ZBTB7C: variants seen among roughly 807,000 people sequenced by gnomAD.
ZBTB7C encodes zinc finger and BTB domain-containing protein 7C.
A neutral mutation model predicts 25.7 loss-of-function variants in ZBTB7C; 8 were observed. The ratio of observed to expected loss-of-function variants is 0.31; its 90% confidence interval spans 0.18 to 0.56. The LOEUF (loss-of-function observed/expected upper bound fraction) is 0.56, where lower values mean the gene tolerates loss of function less well. Ranked by LOEUF, ZBTB7C falls within the 20% of genes least tolerant of loss-of-function variation. The pLI is 0.91. For synonymous variants in ZBTB7C, 394 were observed against 369.0 expected, an observed-to-expected ratio of 1.07 and a Z score of -0.78; for missense variants, 824 against 855.2, an observed-to-expected ratio of 0.96 and a Z score of 0.46.
chr18:48,183,063 TTATA>T (rs1263334571), intron 3 of ZBTB7C, among the ~76,000 whole-genome samples: 1 of 152,182 alleles, frequency 6.6e-6, no homozygotes, highest in Non-Finnish European at 1.5e-5. Flanking sequence ...TATCAATTGT[TTATA>T]TAGTAACTCT....
intron 2 of ZBTB7C, among the ~76,000 whole-genome samples, chr18:48,278,587 G>A (rs1216780423): frequency 6.6e-6 from 1 of 151,970 alleles, no homozygotes; most frequent in African/African-American, 2.4e-5. Flanking sequence ...CCACCACCAT[G>A]CCCAGCTAAT....
chr18:48,133,161 T>C (rs2040038252), intron 3 of ZBTB7C, among the ~76,000 whole-genome samples: 2 of 152,320 alleles, frequency 1.3e-5, no homozygotes, highest in South Asian at 4.1e-4. Flanking sequence ...CTGTTCTGTG[T>C]TCCATGCACA....
At chr18:48,382,689 T>C (rs949203651) in intron 1 of ZBTB7C, among the ~76,000 whole-genome samples, 2 of 152,254 alleles carry the variant, frequency 1.3e-5, no homozygotes, top group Non-Finnish European at 2.9e-5. Flanking sequence ...TGACTTTGCA[T>C]GCATGCATGT....
At chr18:48,280,244 C>A (rs1253869241) in intron 2 of ZBTB7C, among the ~76,000 whole-genome samples, 1 of 152,160 alleles carries the variant, frequency 6.6e-6, no homozygotes, top group East Asian at 1.9e-4. Context: ...GAGCACACTG[C>A]AGCCTGAGGG....
chr18:48,279,128 G>A (rs2044754521), intron 2 of ZBTB7C, among the ~76,000 whole-genome samples: 1 of 152,022 alleles, frequency 6.6e-6, no homozygotes, highest in Non-Finnish European at 1.5e-5. Flanking sequence ...GGGCCCAGAG[G>A]GCAGCACCAT....
intron 3 of ZBTB7C, among the ~76,000 whole-genome samples, chr18:48,060,102 A>G (rs2037071204): frequency 6.6e-6 from 1 of 152,098 alleles, no homozygotes; most frequent in Non-Finnish European, 1.5e-5. Flanking sequence ...AGATACAATT[A>G]TAATGTAGCC....
intron 2 of ZBTB7C, among the ~76,000 whole-genome samples, chr18:48,251,525 C>A (rs1286265973): frequency 1.3e-5 from 2 of 152,128 alleles, no homozygotes; most frequent in African/African-American, 2.4e-5. Context: ...CCTGAAAAAG[C>A]AAGCTAGAAT....
At chr18:48,254,280 G>T (rs1016199245) in intron 2 of ZBTB7C, among the ~76,000 whole-genome samples, 1 of 152,172 alleles carries the variant, frequency 6.6e-6, no homozygotes, top group Non-Finnish European at 1.5e-5. Context: ...TCAAAATGGC[G>T]GTTCCATCTT....
chr18:48,221,400 G>C (rs900758550), intron 2 of ZBTB7C, among the ~76,000 whole-genome samples: 2 of 129,840 alleles, frequency 1.5e-5, no homozygotes, highest in African/African-American at 3.5e-5. Flanking sequence ...CCTCTACACT[G>C]TCCTAGTCTC....
At chr18:48,287,620 C>T (rs548536496) in intron 2 of ZBTB7C, among the ~76,000 whole-genome samples, 4 of 152,268 alleles carry the variant, frequency 2.6e-5, no homozygotes, top group African/African-American at 9.6e-5. Context: ...AGGAAAATTA[C>T]AGGCCAATCT....
At chr18:48,146,656 G>A (rs907523142) in intron 3 of ZBTB7C, among the ~76,000 whole-genome samples, 6 of 151,768 alleles carry the variant, frequency 4.0e-5, no homozygotes, top group African/African-American at 1.5e-4. Flanking sequence ...TTCCAGTCTG[G>A]GAAATCTCAA....
chr18:48,376,055 G>A (rs1446580373), intron 1 of ZBTB7C, among the ~76,000 whole-genome samples: 1 of 152,224 alleles, frequency 6.6e-6, no homozygotes, highest in Non-Finnish European at 1.5e-5. Flanking sequence ...CTGCAGTTCT[G>A]GGGTGGGACT....
chr18:48,182,104 T>G (rs547256022), intron 3 of ZBTB7C, among the ~76,000 whole-genome samples: 1 of 152,286 alleles, frequency 6.6e-6, no homozygotes, highest in Non-Finnish European at 1.5e-5. Flanking sequence ...ACCAATTTGA[T>G]GCTTTATCTG....
intron 3 of ZBTB7C, among the ~76,000 whole-genome samples, chr18:48,179,571 G>A (rs2041811856): frequency 6.6e-6 from 1 of 152,148 alleles, no homozygotes. Context: ...TTGGAAGCCA[G>A]GGTGGGAGAC....
chr18:48,279,634 T>C (rs866631670), intron 2 of ZBTB7C, among the ~76,000 whole-genome samples: 1 of 152,304 alleles, frequency 6.6e-6, no homozygotes, highest in African/African-American at 2.4e-5. Flanking sequence ...CAAAATGGCC[T>C]GCACTTGGCT....
chr18:48,061,606 C>T (rs144158174), intron 3 of ZBTB7C, among the ~76,000 whole-genome samples: 8 of 152,264 alleles, frequency 5.3e-5, no homozygotes, highest in East Asian at 1.9e-4. Context: ...GGATTGGAAT[C>T]GATTCAACAC....
intron 3 of ZBTB7C, among the ~76,000 whole-genome samples, chr18:48,182,242 T>C (rs568166027): frequency 7.9e-5 from 12 of 152,346 alleles, no homozygotes; most frequent in African/African-American, 2.6e-4. Flanking sequence ...GAACAGGTCA[T>C]GAACAAGTTA....
At chr18:48,228,261 G>A (rs902979171) in intron 2 of ZBTB7C, among the ~76,000 whole-genome samples, 2 of 152,154 alleles carry the variant, frequency 1.3e-5, no homozygotes, top group African/African-American at 4.8e-5. Flanking sequence ...ACCTGTGCGG[G>A]CCTCAGTTCC....
rs755239814 is a variant in ZBTB7C at position 48,040,619 on chromosome 18, ATCCTCCTCCTCTTCC to A, written c.474_488del (p.Glu158_Glu162del). 104 of 1,613,046 alleles carry A rather than the reference ATCCTCCTCCTCTTCC, an allele frequency of 6.4e-5. No individual in the cohort carries two copies. Among genetic ancestry groups the A allele is most frequent in the Middle Eastern group, 1.7e-4 (1 of 6,048 alleles). On this transcript the variant is annotated inframe_deletion, in exon 4 of 5. Coordinates refer to ENST00000590800, the MANE Select transcript of ZBTB7C (RefSeq NM_001318841.2). ...CAAAGTCCTCCGTGTCATCATCGTC[ATCCTCCTCCTCTTCC>A]TCCTCCTCCTCTTCGTCCTCCTCAT...
Sources: allele counts gnomAD v4.1 joint callset (sites outside exome capture counted in the v4.1 genomes callset), GRCh38; gene constraint gnomAD v4.1.1; transcripts MANE v1.5; gene names NCBI Gene and HGNC (gene_info 2026-07-23, HGNC 2026-07-21).